Variants in TCN2 observed in about 807,000 individuals in gnomAD.
The protein encoded by TCN2 is transcobalamin-2.
A neutral mutation model predicts 48.6 loss-of-function variants in TCN2; 34 were observed. The ratio of observed to expected loss-of-function variants is 0.70; its 90% CI spans 0.53 to 0.93. The LOEUF is 0.93. TCN2 is among the 40% of genes least tolerant of loss of function. The pLI is 0.00. For missense variants in TCN2, 652 were observed against 526.1 expected (o/e 1.24, Z -2.34); for synonymous variants, 283 against 212.5 (o/e 1.33, Z -2.89).
At position 30,626,430 on chromosome 22, in the gene TCN2, C is replaced by G. The variant is rs370979483; in HGVS notation, c.1223-30C>G. The G allele has an allele frequency of 6.8e-6, 11 of 1,613,108 alleles. No homozygotes were observed. In the South Asian group the frequency reaches 1.1e-4, roughly 16 times the overall value. On this transcript the variant is annotated intron_variant, in intron 8 of 8. Transcript: ENST00000215838. Reference sequence around the variant, plus strand: ...GCGGGGTGCGATATTCTGCCCAATTCGCCCCTCCTTGCTCAATCTGTTTCT... The same window carrying G: ...GCGGGGTGCGATATTCTGCCCAATTGGCCCCTCCTTGCTCAATCTGTTTCT...
intron 8 of TCN2, among the ~76,000 whole-genome samples, chr22:30,624,573 T>G (rs1029443662): frequency 2.6e-5 from 4 of 151,984 alleles, no homozygotes; most frequent in African/African-American, 9.7e-5. Flanking sequence ...AATTGAGGAA[T>G]AAAAAATAGG....
chr22:30,619,269 G>C (rs1423711003), intron 7 of TCN2, among the ~76,000 whole-genome samples: 2 of 152,108 alleles, frequency 1.3e-5, no homozygotes, highest in Non-Finnish European at 2.9e-5. Context: ...TTGTAGACAT[G>C]GGATTGCTTC....
rs1314644791 is a variant in TCN2, at chr22:30,626,595, C to G, written c.*74C>G. 7 of 1,552,260 alleles carry G rather than the reference C, an allele frequency of 4.5e-6. No homozygotes were observed. The highest frequency in any genetic ancestry group is 5.3e-6 in the Non-Finnish European group (6 of 1,128,238). On this transcript the variant is annotated 3_prime_UTR_variant, in exon 9 of 9. Coordinates refer to ENST00000215838, the MANE Select transcript of TCN2 (RefSeq NM_000355.4). ...ACCCTCCCTCCTGATGTCCCTGGAA[C>G]AGGAACTCGCCTGACCCTGCTGCCA...
chr22:30,618,705 A>T (rs1002602770), intron 7 of TCN2, among the ~76,000 whole-genome samples: 1 of 152,198 alleles, frequency 6.6e-6, no homozygotes, highest in East Asian at 1.9e-4. Flanking sequence ...GTGCAGTGGC[A>T]CATTCATAGC....
intron 7 of TCN2, among the ~76,000 whole-genome samples, chr22:30,619,356 A>G (rs1287554538): frequency 6.6e-6 from 1 of 152,272 alleles, no homozygotes; most frequent in Non-Finnish European, 1.5e-5. Context: ...CTGAGATAAC[A>G]GGCGTGAGCC....
chr22:30,614,507 T>C lies in TCN2; in HGVS notation c.580+6T>C. The C allele has an allele frequency of 6.2e-7, 1 of 1,614,014 alleles. No individual in the cohort carries two copies. The highest frequency in any genetic ancestry group is 8.5e-7 in the Non-Finnish European group (1 of 1,179,980). On this transcript the variant is annotated splice_donor_region_variant and intron_variant, in intron 4 of 8. Transcript: ENST00000215838. ...CCAGGGCCACCATTCTGTGGGTGAGTAGGTCAGACCGTGCCAAGGCCAGGC... is the reference window on the plus strand; with the variant it reads ...CCAGGGCCACCATTCTGTGGGTGAGCAGGTCAGACCGTGCCAAGGCCAGGC...
At chr22:30,611,833 T>C (rs993900696) in intron 2 of TCN2, among the ~76,000 whole-genome samples, 1 of 152,174 alleles carries the variant, frequency 6.6e-6, no homozygotes, top group East Asian at 1.9e-4. Flanking sequence ...GTGCTCCCTT[T>C]TCAAGAGGCA....
At chr22:30,623,156 A>G (rs1001082362) in intron 8 of TCN2, 73 bp downstream of exon 8, 1 of 1,493,258 alleles carries the variant, frequency 6.7e-7, no homozygotes, top group Non-Finnish European at 9.3e-7. Context: ...TCATCAACTC[A>G]CCCCAGCTTT....
chr22:30,620,711 C>G (rs990314723), intron 7 of TCN2, among the ~76,000 whole-genome samples: 4 of 152,172 alleles, frequency 2.6e-5, no homozygotes, highest in African/African-American at 9.7e-5. Context: ...ATTCAGAGCT[C>G]GGGGATCTCT....
intron 2 of TCN2, among the ~76,000 whole-genome samples, chr22:30,611,474 G>C (rs1053126230): frequency 3.3e-5 from 5 of 152,186 alleles, no homozygotes; most frequent in African/African-American, 1.2e-4. Context: ...GCAGACATCA[G>C]TAATCCATGA....
At chr22:30,621,443 C>T (rs1222024737) in intron 7 of TCN2, among the ~76,000 whole-genome samples, 1 of 150,878 alleles carries the variant, frequency 6.6e-6, no homozygotes, top group Non-Finnish European at 1.5e-5. Context: ...CAGTCATTTG[C>T]ATTCTCCCAG....
intron 1 of TCN2, 77 bp from the exon 2 acceptor site, chr22:30,610,794 G>T: frequency 6.6e-7 from 1 of 1,507,882 alleles, no homozygotes; most frequent in Non-Finnish European, 9.2e-7. Flanking sequence ...CTCTGGAGAA[G>T]GCCCTGGTAA....
intron 4 of TCN2, 83 bp downstream of exon 4, chr22:30,614,584 C>T (rs2087587040): frequency 1.9e-6 from 3 of 1,572,144 alleles, no homozygotes; most frequent in South Asian, 1.1e-5. Flanking sequence ...TACCCTGGCC[C>T]CCACACTCAC....
intron 1 of TCN2, among the ~76,000 whole-genome samples, chr22:30,608,301 G>C (rs1295501294): frequency 6.6e-6 from 1 of 152,222 alleles, no homozygotes; most frequent in Non-Finnish European, 1.5e-5. Flanking sequence ...GTCGAGGGTT[G>C]GAGGGGCTGA....
Position 30,617,208 on chromosome 22 carries a change from T to C in TCN2, c.941-122T>C, listed in dbSNP as rs1019828297. On this transcript the variant is annotated intron_variant, in intron 6 of 8. Transcript: ENST00000215838. Reference sequence around the variant, plus strand: ...TTCAGCTGAGCAGGTGGCGGTGGCATTGATGGAGATGAGGACATGGGGAAG... The same window carrying C: ...TTCAGCTGAGCAGGTGGCGGTGGCACTGATGGAGATGAGGACATGGGGAAG... The C allele has an allele frequency of 3.7e-5, 50 of 1,340,656 alleles. No homozygotes were observed. The South Asian group carries it at 5.3e-4, about 14-fold the overall frequency. 83.0% of individuals were successfully genotyped at this position (1,340,656 alleles called of 1,614,324 possible). A position where few individuals can be genotyped will look rare whatever the true frequency, so the allele number is the denominator to read the frequency against.
rs367867691 is a variant in TCN2, at chr22:30,611,059, C to T, written c.253C>T (p.Leu85=). 1.2e-6 allele frequency: 2 copies of T among 1,613,810 alleles called. No individual in the cohort carries two copies. The highest frequency in any genetic ancestry group is 2.7e-5 in the African/African-American group (2 of 74,910). The change falls in exon 2 of 9, where the codon CTA becomes TTA. Residue 85 remains leucine (L), a synonymous_variant. Transcript: ENST00000215838. Reference sequence around the variant, plus strand: ...CAAGCTTGGTTACCAGCAGTGCCTCCTAGGGTATTGCCACACTCTCTTTTT... The same window carrying T: ...CAAGCTTGGTTACCAGCAGTGCCTCTTAGGGTATTGCCACACTCTCTTTTT... ...SLKLGYQQCL[L]GSAFSEDDGD... is the part of the protein sequence containing the mutation.
At position 30,623,883 on chromosome 22, in the gene TCN2, TAC is replaced by T. The variant is rs1014027108; in HGVS notation, c.1222+806_1222+807del. 4.8e-5 allele frequency among the ~76,000 whole-genome samples: 4 copies of T among 83,084 alleles called. 1 individual carries two copies. The highest frequency in any genetic ancestry group is 2.3e-4 in the East Asian group (1 of 4,270). 54.5% of individuals were successfully genotyped at this position (83,084 alleles called of 152,430 possible). The stretch of plus-strand genomic sequence containing the variant: ...ATACACACATATATACACACATATA[TAC>T]ACACATATATATGTATACATATATA... On this transcript the variant is annotated intron_variant, in intron 8 of 8. Transcript: ENST00000215838.
intron 4 of TCN2, 120 bp from the exon 5 acceptor site, chr22:30,615,181 C>T (rs1027968436): frequency 3.8e-6 from 4 of 1,048,976 alleles, no homozygotes; most frequent in African/African-American, 1.6e-5. Flanking sequence ...ACCATGTTGC[C>T]CTTCTTCTCC....
At chr22:30,623,555 A>G (rs1455752219) in intron 8 of TCN2, among the ~76,000 whole-genome samples, 1 of 151,696 alleles carries the variant, frequency 6.6e-6, no homozygotes, top group Admixed American at 6.6e-5. Context: ...CCCAGCCAAA[A>G]TTACTTAACT....
Sources: gnomAD v4.1 joint callset for allele counts (sites outside exome capture counted in the v4.1 genomes callset) on GRCh38, gnomAD v4.1.1 for gene constraint, MANE v1.5 for transcripts, NCBI Gene and HGNC (gene_info 2026-07-23, HGNC 2026-07-21) for gene names.